The following SCAMP5 variants were observed in gnomAD, a reference collection of about 807,000 sequenced individuals.
SCAMP5 encodes secretory carrier membrane protein 5.
SCAMP5 carries 7 observed loss-of-function variants against 28.3 expected under a neutral mutation model. The observed-to-expected ratio is 0.25, with a 90% CI of 0.14 to 0.46. The LOEUF (loss-of-function observed/expected upper bound fraction) is 0.46, where lower values mean the gene tolerates loss of function less well. Among genes scored for constraint, SCAMP5 ranks in the 20% least tolerant of loss-of-function variants. SCAMP5 has a pLI of 0.99. For missense variants in SCAMP5, 192 were observed against 312.5 expected (o/e 0.61, Z 2.91); for synonymous variants, 117 against 116.4 (o/e 1.00, Z -0.03).
rs979486539 is a variant in SCAMP5, at chr15:74,996,369, G to A, written c.-49+696G>A. 4.6e-5 allele frequency: 7 copies of A among 152,408 alleles called. No homozygotes were observed. Among genetic ancestry groups the A allele is most frequent in the Non-Finnish European group, 8.8e-5 (6 of 68,194 alleles). 9.4% of individuals were successfully genotyped at this position (152,408 alleles called of 1,614,324 possible). A position where few individuals can be genotyped will look rare whatever the true frequency, so the allele number is the denominator to read the frequency against. On this transcript the variant is annotated intron_variant, in intron 1 of 6. Coordinates refer to ENST00000425597, the MANE Select transcript of SCAMP5 (RefSeq NM_138967.4). The surrounding 1 kb of genome is among the most constrained non-coding windows in gnomAD (Gnocchi z 4.1). The stretch of plus-strand genomic sequence containing the variant: ...TTGTCCTCCGCCTCGGGGAGCTCCT[G>A]GTCTGTGGGTTGGGGGAACCAAGTA...
intron 3 of SCAMP5, among the ~76,000 whole-genome samples, chr15:75,014,303 C>A (rs61166993): frequency 0.2 from 30,363 of 151,694 alleles, 4,815 homozygotes; most frequent in South Asian, 0.43. Flanking sequence ...CACCATGTAA[C>A]CTGAGAGAAG....
At chr15:75,009,846 T>C (rs1019449669) in intron 1 of SCAMP5, 4 of 152,178 alleles carry the variant, frequency 2.6e-5, no homozygotes, top group Admixed American at 6.5e-5. Context: ...GTTGTAACTG[T>C]ATGCTTGGAG....
chr15:75,015,727 A>G (rs1308300607), intron 3 of SCAMP5, among the ~76,000 whole-genome samples: 1 of 152,150 alleles, frequency 6.6e-6, no homozygotes, highest in Non-Finnish European at 1.5e-5. Context: ...GGAGTTCGAG[A>G]CCAGCCTGGC....
At position 75,021,387 on chromosome 15, in the gene SCAMP5, C is replaced by G. The variant is rs1186116358; in HGVS notation, c.*2404C>G. ...ATTCTCCTGGTGCCGCTGCTGCTCC[C>G]TGTTTCTGGAGCTGGATGTTCCCCA... On this transcript the variant is annotated 3_prime_UTR_variant, in exon 7 of 7. Transcript: ENST00000425597. 1 of 152,388 alleles carries G rather than the reference C, an allele frequency of 6.6e-6. No homozygotes were observed. Among genetic ancestry groups the G allele is most frequent in the Non-Finnish European group, 1.5e-5 (1 of 68,174 alleles). The allele number at this position is 152,388 out of a possible 1,614,324, so 9.4% of individuals were successfully genotyped here. A position where few individuals can be genotyped will look rare whatever the true frequency, so the allele number is the denominator to read the frequency against.
rs1357399361 is a variant in SCAMP5, at chr15:75,021,063, A to G, written c.*2080A>G. 1 of 152,006 alleles carries G rather than the reference A, an allele frequency of 6.6e-6. No homozygotes were observed. Among genetic ancestry groups the G allele is most frequent in the African/African-American group, 2.4e-5 (1 of 41,298 alleles). 9.4% of individuals were successfully genotyped at this position (152,006 alleles called of 1,614,324 possible). On this transcript the variant is annotated 3_prime_UTR_variant, in exon 7 of 7. Coordinates refer to ENST00000425597, the MANE Select transcript of SCAMP5 (RefSeq NM_138967.4). ...AGGCCTGTGATCCAGCTCCCTGCCT[A>G]GCATCCATGACCTGTTGGATGTTAC... is the stretch of plus-strand genomic sequence containing the variant.
At chr15:75,004,780 C>T (rs1324062139) in intron 1 of SCAMP5, among the ~76,000 whole-genome samples, 2 of 151,492 alleles carry the variant, frequency 1.3e-5, no homozygotes, top group African/African-American at 4.8e-5. Context: ...TGCACACATA[C>T]AATACCCAAG....
chr15:75,009,579 C>A (rs1595885518), intron 1 of SCAMP5, among the ~76,000 whole-genome samples: 1 of 151,988 alleles, frequency 6.6e-6, no homozygotes, highest in East Asian at 1.9e-4. Context: ...TGGACTCAAG[C>A]AATCCTCCCA....
At chr15:75,016,853 C>G in intron 4 of SCAMP5, 104 bp downstream of exon 4, 1 of 1,066,600 alleles carries the variant, frequency 9.4e-7, no homozygotes. Flanking sequence ...TTACCCTCCC[C>G]CAAACTCACT....
intron 1 of SCAMP5, among the ~76,000 whole-genome samples, chr15:75,006,973 G>A (rs149405084): frequency 6.6e-6 from 1 of 152,096 alleles, no homozygotes. Flanking sequence ...AATCCACGTG[G>A]TTATTACTTT....
rs1161114122 is a variant in SCAMP5, at chr15:75,019,391, T to C, written c.*408T>C. The C allele has an allele frequency of 6.5e-6, 1 of 152,962 alleles. No homozygotes were observed. Among genetic ancestry groups the C allele is most frequent in the Admixed American group, 6.6e-5 (1 of 15,234 alleles). The allele number at this position is 152,962 out of a possible 1,614,324, so 9.5% of individuals were successfully genotyped here. On this transcript the variant is annotated 3_prime_UTR_variant, in exon 7 of 7. Transcript: ENST00000425597. ...ACCCCTCACGGGGCCAGGGGAGGCA[T>C]AGCAGAAAGACTGGCCCCTTCCTAG...
In SCAMP5 at chr15:74,996,311, G is replaced by A. The variant is rs530445830; in HGVS notation, c.-49+638G>A. ...CATTTCAACGCTGGCCGGAGGTCAC[G>A]AGGATGGAGGTGAGGTGTTTGTGAA... is the stretch of plus-strand genomic sequence containing the variant. On this transcript the variant is annotated intron_variant, in intron 1 of 6. Coordinates refer to ENST00000425597, the MANE Select transcript of SCAMP5 (RefSeq NM_138967.4). The surrounding 1 kb of genome is among the most constrained non-coding windows in gnomAD (Gnocchi z 4.1). 8 of 152,544 alleles carry A rather than the reference G, an allele frequency of 5.2e-5. No individual in the cohort carries two copies. The highest frequency in any genetic ancestry group is 1.7e-4 in the African/African-American group (7 of 41,602). The allele number at this position is 152,544 out of a possible 1,614,324, so 9.4% of individuals were successfully genotyped here.
chr15:75,013,486 G>T (rs2065832334), intron 3 of SCAMP5, among the ~76,000 whole-genome samples: 1 of 152,052 alleles, frequency 6.6e-6, no homozygotes. Context: ...ATCACTTGAG[G>T]TAAGGAGTTT....
At chr15:74,999,104 C>T (rs2065678924) in intron 1 of SCAMP5, among the ~76,000 whole-genome samples, 1 of 152,186 alleles carries the variant, frequency 6.6e-6, no homozygotes, top group Non-Finnish European at 1.5e-5. Context: ...TAACCAACTA[C>T]ATCTGAATGT....
chr15:74,999,533 G>A (rs1393788678), intron 1 of SCAMP5, among the ~76,000 whole-genome samples: 1 of 152,190 alleles, frequency 6.6e-6, no homozygotes, highest in Non-Finnish European at 1.5e-5. Context: ...GGCGGAGCTT[G>A]CAGTGAGCCG....
chr15:75,016,671 G>T lies in SCAMP5; in HGVS notation c.215G>T (p.Gly72Val), dbSNP rs368827700. 3.1e-6 allele frequency: 5 copies of T among 1,613,694 alleles called. No homozygotes were observed. Among genetic ancestry groups the T allele is most frequent in the Middle Eastern group, 1.6e-4 (1 of 6,084 alleles). Reference sequence around the variant, plus strand: ...GGAGGCGGGGGAGCCACCAACTTTGGCCTCGCCTTTCTCTGGCTCATCCTC... The same window carrying T: ...GGAGGCGGGGGAGCCACCAACTTTGTCCTCGCCTTTCTCTGGCTCATCCTC... ...LIGGGGATNFGLAFLWLILFT... is the reference protein window; with the variant it reads ...LIGGGGATNFVLAFLWLILFT... Residue 72 changes from glycine to valine, a missense_variant, in exon 4 of 7, where the codon GGC (glycine) becomes GTC (valine). By Grantham distance (109) the Gly-to-Val change is moderately radical. Coordinates refer to ENST00000425597, the MANE Select transcript of SCAMP5 (RefSeq NM_138967.4).
rs969901528 is a variant in SCAMP5, at chr15:75,019,213, C to T, written c.*230C>T. On this transcript the variant is annotated 3_prime_UTR_variant, in exon 7 of 7. Transcript: ENST00000425597. ...CTGTGGGCTGCACGTGGAGCTGTCC[C>T]GTGCGGTAGTAGCTGTGTCTGTGTC... The T allele has an allele frequency of 8.9e-6, 3 of 338,890 alleles. No individual in the cohort carries two copies. Among genetic ancestry groups the T allele is most frequent in the Admixed American group, 4.8e-5 (1 of 20,942 alleles). 21.0% of individuals were successfully genotyped at this position (338,890 alleles called of 1,614,324 possible).
rs1480219332 is a variant in SCAMP5 at position 75,011,844 on chromosome 15, C to A, written c.5C>A (p.Ala2Glu). Residue 2 changes from alanine (A) to glutamate (E), a missense_variant and splice_region_variant, in exon 2 of 7, where the codon GCA (alanine) becomes GAA (glutamate). Coordinates refer to ENST00000425597, the MANE Select transcript of SCAMP5 (RefSeq NM_138967.4). M[A>E]EKVNNFPPLP... is the part of the protein sequence containing the mutation. ...ACTGGGCCAGCTGGTAACATCATGG[C>A]AGGTAAGGAGAGGGGCAGGCTGTGT... is the stretch of plus-strand genomic sequence containing the variant. 1 of 1,612,062 alleles carries A rather than the reference C, an allele frequency of 6.2e-7. No individual in the cohort carries two copies. Among genetic ancestry groups the A allele is most frequent in the East Asian group, 2.2e-5 (1 of 44,858 alleles).
chr15:75,019,125 A>ATG lies in SCAMP5; in HGVS notation c.*143_*144insGT. ...TGTACAAAGGACCAGAGTTATATAT[A>ATG]TATATATATGTATATGTCTGTACCC... On this transcript the variant is annotated 3_prime_UTR_variant, in exon 7 of 7. Coordinates refer to ENST00000425597, the MANE Select transcript of SCAMP5 (RefSeq NM_138967.4). The ATG allele has an allele frequency of 2.0e-6, 1 of 497,336 alleles. No homozygotes were observed. The highest frequency in any genetic ancestry group is 4.1e-5 in the South Asian group (1 of 24,344). The allele number at this position is 497,336 out of a possible 1,614,324, so 30.8% of individuals were successfully genotyped here.
intron 1 of SCAMP5, among the ~76,000 whole-genome samples, chr15:75,008,089 C>CT (rs35168296): frequency 1.3e-5 from 2 of 149,348 alleles, no homozygotes; most frequent in South Asian, 2.1e-4. Flanking sequence ...TACTTGGGCT[C>CT]TTTTTTTTTT....
Sources: allele counts gnomAD v4.1 joint callset (sites outside exome capture counted in the v4.1 genomes callset), GRCh38; gene constraint gnomAD v4.1.1; non-coding constraint Gnocchi (gnomAD v3.1); transcripts MANE v1.5; gene names NCBI Gene and HGNC (gene_info 2026-07-23, HGNC 2026-07-21).